NBEAL1: variants seen among roughly 807,000 people sequenced by gnomAD.
The protein encoded by NBEAL1 is neurobeachin-like protein 1.
Under a neutral mutation model 351.3 loss-of-function variants are expected in NBEAL1, and 273 were observed. The observed-to-expected ratio is 0.78, with a 90% confidence interval of 0.70 to 0.86. NBEAL1 has a LOEUF of 0.86. Ranked by LOEUF, NBEAL1 falls within the 40% of genes least tolerant of loss-of-function variation. The probability of loss-of-function intolerance (pLI) is 0.00; values close to 1 mark genes in which losing one functional copy is unlikely to be tolerated. For missense variants in NBEAL1, 2,961 were observed against 3,201.3 expected, an observed-to-expected ratio of 0.92 and a Z score of 1.81; for synonymous variants, 1,050 against 1,086.4, an observed-to-expected ratio of 0.97 and a Z score of 0.66.
At chr2:203,199,088 G>A (rs1170661586) in intron 48 of NBEAL1, among the ~76,000 whole-genome samples, 1 of 151,908 alleles carries the variant, frequency 6.6e-6, no homozygotes, top group Non-Finnish European at 1.5e-5. Context: ...GTTGCAATGA[G>A]CTGAGATCAT....
intron 48 of NBEAL1, among the ~76,000 whole-genome samples, chr2:203,197,667 G>A (rs1325268676): frequency 2.0e-5 from 3 of 152,132 alleles, no homozygotes; most frequent in Non-Finnish European, 1.5e-5. Flanking sequence ...CAGCACTTTG[G>A]GAGGCCAAGG....
chr2:203,160,373 G>T (rs1400482658), intron 36 of NBEAL1, among the ~76,000 whole-genome samples: 2 of 152,090 alleles, frequency 1.3e-5, no homozygotes, highest in African/African-American at 4.8e-5. Context: ...GAGCCACCAC[G>T]CCCGGCCTGG....
chr2:203,221,220 T>A lies in NBEAL1; in HGVS notation c.*3866T>A, dbSNP rs1014996174. Among the ~76,000 whole-genome samples the A allele has an allele frequency of 6.6e-6, 1 of 152,022 alleles. No individual in the cohort carries two copies. The highest frequency in any genetic ancestry group is 1.9e-4 in the East Asian group (1 of 5,196). ...GACCTTTGCCTTTATGTATATTTTATATTGTTACTACTAAAGAGACCACTG... is the reference window on the plus strand; with the variant it reads ...GACCTTTGCCTTTATGTATATTTTAAATTGTTACTACTAAAGAGACCACTG... On this transcript the variant is annotated 3_prime_UTR_variant, in exon 56 of 56. Coordinates refer to ENST00000683969, the MANE Select transcript of NBEAL1 (RefSeq NM_001378026.1).
intron 10 of NBEAL1, among the ~76,000 whole-genome samples, chr2:203,092,192 G>T (rs528188410): frequency 3.9e-5 from 6 of 152,070 alleles, no homozygotes; most frequent in African/African-American, 1.4e-4. Context: ...TATGGTTAAG[G>T]TTCTTGATAT....
chr2:203,099,851 A>G, intron 12 of NBEAL1, 139 bp downstream of exon 12: 1 of 593,894 alleles, frequency 1.7e-6, no homozygotes, highest in Non-Finnish European at 2.9e-6. Flanking sequence ...CCCAGGTAAT[A>G]AGCATAGTAC....
rs149715375 is a variant in NBEAL1 at position 203,064,095 on chromosome 2, C to G, written c.516-4298C>G. Among the ~76,000 whole-genome samples, 787 of 152,086 alleles carry G rather than the reference C, an allele frequency of 5.2e-3. 4 individuals carry two copies. Among genetic ancestry groups the G allele is most frequent in the African/African-American group, 0.018 (736 of 41,482 alleles). On this transcript the variant is annotated intron_variant, in intron 6 of 55. Coordinates refer to ENST00000683969, the MANE Select transcript of NBEAL1 (RefSeq NM_001378026.1). ...TTGAGACAGAGTCTTGCCCTGTTGC[C>G]CAGGCTGGAGTACAGTACCGTGATC...
chr2:203,083,100 A>G, intron 8 of NBEAL1, 119 bp from the exon 9 acceptor site: 1 of 871,922 alleles, frequency 1.1e-6, no homozygotes, highest in South Asian at 1.8e-5. Flanking sequence ...ATCTGTTACA[A>G]ATTTTTATGT....
intron 2 of NBEAL1, among the ~76,000 whole-genome samples, chr2:203,033,730 A>G (rs1198177727): frequency 1.3e-5 from 2 of 152,144 alleles, no homozygotes; most frequent in African/African-American, 4.8e-5. Context: ...TGGGATGAAT[A>G]CTTGGTTAGG....
At chr2:203,033,738 A>G (rs558221664) in intron 2 of NBEAL1, among the ~76,000 whole-genome samples, 1 of 152,342 alleles carries the variant, frequency 6.6e-6, no homozygotes, top group South Asian at 2.1e-4. Context: ...ATACTTGGTT[A>G]GGAAATGCTG....
rs777448588 is a variant in NBEAL1 at position 203,202,690 on chromosome 2, T to C, written c.7415T>C (p.Ile2472Thr). 8 of 1,566,766 alleles carry C rather than the reference T, an allele frequency of 5.1e-6. No homozygotes were observed. The highest frequency in any genetic ancestry group is 2.2e-5 in the East Asian group (1 of 44,608). Reference sequence around the variant, plus strand: ...TATTTAATTCCTTTTCTTACAGATATTGTGACTTGCTTAGCTACAGATTAC... The same window carrying C: ...TATTTAATTCCTTTTCTTACAGATACTGTGACTTGCTTAGCTACAGATTAC... Reference protein sequence around the residue: ...IISHIIRHMDIVTCLATDYCG... With the variant: ...IISHIIRHMDTVTCLATDYCG... Residue 2472 changes from isoleucine (I) to threonine (T), a missense_variant, in exon 51 of 56, where the codon ATT becomes ACT. Physicochemically the swap from Ile to Thr is moderately conservative, Grantham distance 89 (BLOSUM62 -1). Transcript: ENST00000683969.
intron 26 of NBEAL1, 118 bp downstream of exon 26, chr2:203,132,250 CT>C: frequency 1.5e-6 from 1 of 656,080 alleles, no homozygotes; most frequent in Non-Finnish European, 2.5e-6. Flanking sequence ...CAGGGCCTTC[CT>C]TGGATACCAT....
intron 44 of NBEAL1, among the ~76,000 whole-genome samples, chr2:203,185,413 G>A (rs529694743): frequency 6.6e-6 from 1 of 152,320 alleles, no homozygotes; most frequent in South Asian, 2.1e-4. Context: ...AGCATTAGGA[G>A]AAATACCTAA....
chr2:203,132,243 G>A, intron 26 of NBEAL1, 111 bp downstream of exon 26: 1 of 694,532 alleles, frequency 1.4e-6, no homozygotes, highest in Non-Finnish European at 2.3e-6. Context: ...GATTCAGCAG[G>A]GCCTTCCTTG....
chr2:203,179,110 CT>C (rs2106434937), intron 42 of NBEAL1, among the ~76,000 whole-genome samples: 1 of 152,238 alleles, frequency 6.6e-6, no homozygotes, highest in South Asian at 2.1e-4. Flanking sequence ...ATTAATGTCA[CT>C]TTTTTTCTTT....
chr2:203,083,076 G>C (rs2061900800), intron 8 of NBEAL1, 143 bp from the exon 9 acceptor site: 1 of 677,068 alleles, frequency 1.5e-6, no homozygotes, highest in South Asian at 2.0e-5. Flanking sequence ...ACCACTAGCA[G>C]TGGCTATCAG....
chr2:203,082,304 C>T (rs1247492609), intron 8 of NBEAL1, among the ~76,000 whole-genome samples: 1 of 152,152 alleles, frequency 6.6e-6, no homozygotes, highest in Non-Finnish European at 1.5e-5. Flanking sequence ...ATCAGTTTCT[C>T]TGAATAAGGA....
intron 7 of NBEAL1, among the ~76,000 whole-genome samples, chr2:203,068,702 T>C (rs1393046511): frequency 1.3e-5 from 2 of 152,184 alleles, no homozygotes; most frequent in African/African-American, 4.8e-5. Flanking sequence ...AGCTGAATAT[T>C]TTAATGATGG....
rs138690668 is a variant in NBEAL1 at position 203,202,876 on chromosome 2, C to A, written c.7506+95C>A. The A allele has an allele frequency of 1.9e-5, 14 of 718,660 alleles. No homozygotes were observed. The East Asian group carries it at 3.0e-4, about 15-fold the overall frequency. 44.5% of individuals were successfully genotyped at this position (718,660 alleles called of 1,614,324 possible). ...ACTAGGACATCGAATTGTTTTCTGG[C>A]AGTGACTGAGCTCCTTTGTATTCTT... On this transcript the variant is annotated intron_variant, in intron 51 of 55. Transcript: ENST00000683969.
At chr2:203,078,345 G>C (rs1025895751) in intron 8 of NBEAL1, among the ~76,000 whole-genome samples, 2 of 151,762 alleles carry the variant, frequency 1.3e-5, no homozygotes, top group African/African-American at 2.4e-5. Context: ...AAACTTTTCT[G>C]TTTTTGTTTT....
Sources: gnomAD v4.1 joint callset for allele counts (sites outside exome capture counted in the v4.1 genomes callset) on GRCh38, gnomAD v4.1.1 for gene constraint, MANE v1.5 for transcripts, NCBI Gene and HGNC (gene_info 2026-07-23, HGNC 2026-07-21) for gene names.